Variants in MYBBP1A observed in about 807,000 individuals in gnomAD.
MYBBP1A encodes myb-binding protein 1A.
MYBBP1A carries 147 observed loss-of-function variants against 136.3 expected under a neutral mutation model. The observed-to-expected ratio is 1.08, with a 90% CI of 0.94 to 1.24. The LOEUF (loss-of-function observed/expected upper bound fraction) is 1.24. MYBBP1A is among the 50% of genes most tolerant of loss of function. The pLI is 0.00. For missense variants in MYBBP1A, 2,060 were observed against 1,727.4 expected, an observed-to-expected ratio of 1.19 and a Z score of -3.41; for synonymous variants, 947 against 735.8, an observed-to-expected ratio of 1.29 and a Z score of -4.65.
Position 4,552,724 on chromosome 17 carries a change from A to G in MYBBP1A, c.562-98T>C, listed in dbSNP as rs1163155894. 17 of 1,059,484 alleles carry G rather than the reference A, an allele frequency of 1.6e-5. No homozygotes were observed. Among genetic ancestry groups the G allele is most frequent in the Non-Finnish European group, 2.3e-5 (17 of 743,270 alleles). 65.6% of individuals were successfully genotyped at this position (1,059,484 alleles called of 1,614,324 possible). A position where few individuals can be genotyped will look rare whatever the true frequency, so the allele number is the denominator to read the frequency against. On this transcript the variant is annotated intron_variant, in intron 5 of 25. Coordinates refer to ENST00000254718, the MANE Select transcript of MYBBP1A (RefSeq NM_014520.4). The surrounding 1 kb of genome is among the most constrained non-coding windows in gnomAD (Gnocchi z 4.7). ...CTGACACGGGGCCACCTGGTGAGGT[A>G]TCAGAGTCATCAGAGGCCAGTTGCT...
rs368007403 is a variant in MYBBP1A at position 4,545,321 on chromosome 17, C to A, written c.2098G>T (p.Asp700Tyr). The A allele has an allele frequency of 2.0e-5, 33 of 1,613,302 alleles. No homozygotes were observed. The highest frequency in any genetic ancestry group is 2.7e-5 in the Non-Finnish European group (32 of 1,179,966). ...GTCACCACCACACGGTCATTCTCAT[C>A]CTCACTGGTCTCGGGGTTCAGCACC... ...LDVLNPETSE[D>Y]ENDRVVVTDD... The change falls in exon 16 of 26, where the codon GAT (aspartate) becomes TAT (tyrosine). Residue 700 changes from aspartate to tyrosine, a missense_variant. By Grantham distance (160) the Asp-to-Tyr change is radical (BLOSUM62 -3). Coordinates refer to ENST00000254718, the MANE Select transcript of MYBBP1A (RefSeq NM_014520.4).
At chr17:4,542,170 G>A (rs1906494687) in intron 22 of MYBBP1A, 1 of 585,052 alleles carries the variant, frequency 1.7e-6, no homozygotes, top group South Asian at 2.2e-5. Context: ...AACAGCCCTG[G>A]CACCAGAGCA....
At position 4,550,345 on chromosome 17, in the gene MYBBP1A, C is replaced by CT; in HGVS notation, c.1031dup (p.Gln345AlafsTer22). On this transcript the variant is annotated frameshift_variant, in exon 9 of 26. Transcript: ENST00000254718. LOFTEE classifies it high-confidence loss of function. ...CCATCTCTGGGGCAAACTTGAACTG[C>CT]TTTGGGAGCTGCAAGAGTTAGGCAT... The CT allele has an allele frequency of 6.2e-7, 1 of 1,610,706 alleles. No homozygotes were observed. Among genetic ancestry groups the CT allele is most frequent in the Non-Finnish European group, 8.5e-7 (1 of 1,178,540 alleles).
chr17:4,540,516 C>T (rs991619299), intron 24 of MYBBP1A, 32 bp from the exon 25 acceptor site: 12 of 1,578,206 alleles, frequency 7.6e-6, no homozygotes, highest in African/African-American at 1.3e-5. Flanking sequence ...AGCTGTGGGG[C>T]CACAGAGGGC....
chr17:4,550,939 T>C (rs1015153840), intron 8 of MYBBP1A, among the ~76,000 whole-genome samples: 3 of 152,216 alleles, frequency 2.0e-5, no homozygotes, highest in Admixed American at 6.5e-5. Flanking sequence ...CACCTAGAGG[T>C]AACTTCTCAG....
intron 8 of MYBBP1A, among the ~76,000 whole-genome samples, chr17:4,550,749 G>C (rs1256540188): frequency 6.6e-6 from 1 of 152,252 alleles, no homozygotes; most frequent in Non-Finnish European, 1.5e-5. Flanking sequence ...TGGGTTCAAA[G>C]CCCACGCTGC....
intron 13 of MYBBP1A, among the ~76,000 whole-genome samples, chr17:4,547,266 T>A (rs1219556179): frequency 6.6e-6 from 1 of 152,052 alleles, no homozygotes; most frequent in Non-Finnish European, 1.5e-5. Context: ...TCTGTCCAAG[T>A]CAAGTTCGGA....
In MYBBP1A at chr17:4,548,552, G is replaced by GAGA. The variant is rs1907211617; in HGVS notation, c.1527_1528insTCT (p.Ala509_Arg510insSer). On this transcript the variant is annotated inframe_insertion, in exon 11 of 26. Coordinates refer to ENST00000254718, the MANE Select transcript of MYBBP1A (RefSeq NM_014520.4). This position sits in a 1 kb window ranked among gnomAD's most constrained non-coding sequence, Gnocchi z 4.2. ...AAGAAGGCACTGCTGACAGCCTCTC[G>GAGA]GGCCTGGTTTTCCAAAGGGAAGGAG... 1.9e-6 allele frequency: 3 copies of GAGA among 1,614,076 alleles called. No homozygotes were observed. The highest frequency in any genetic ancestry group is 2.5e-6 in the Non-Finnish European group (3 of 1,180,042).
At chr17:4,541,240 CAGG>C (rs1241637588) in intron 24 of MYBBP1A, among the ~76,000 whole-genome samples, 3 of 152,384 alleles carry the variant, frequency 2.0e-5, no homozygotes, top group South Asian at 2.1e-4. Flanking sequence ...CCCCGCCCTG[CAGG>C]AGGAGGACAG....
At chr17:4,550,452 CCAACAGCCCGGGGGCAGGCGGG>C (rs1408188204) in intron 8 of MYBBP1A, 99 bp from the exon 9 acceptor site, 90 of 1,406,292 alleles carry the variant, frequency 6.4e-5, no homozygotes, top group Middle Eastern at 2.6e-4. Flanking sequence ...GCCCAACAGC[CCAACAGCCCGGGGGCAGGCGGG>C]CAACAGCCCA....
In MYBBP1A at chr17:4,539,687, T is replaced by TG. The variant is rs751008440; in HGVS notation, c.3714dup (p.Thr1239HisfsTer106). On this transcript the variant is annotated frameshift_variant, in exon 26 of 26. Transcript: ENST00000254718. LOFTEE classifies it low-confidence loss of function (END_TRUNC). ...TTGGCAGGGGTGCTGGGGCTCCGGG[T>TG]GGGGGCGCCAGGGGCTGGACTCTTG... 5 of 1,606,942 alleles carry TG rather than the reference T, an allele frequency of 3.1e-6. No individual in the cohort carries two copies. In the South Asian group the frequency reaches 4.4e-5, roughly 14 times the overall value.
Position 4,548,972 on chromosome 17 carries a change from T to C in MYBBP1A, c.1431-323A>G, listed in dbSNP as rs1445334844. ...AGTCAGGTCACTGCTCCTGCGAACA[T>C]GGGACAGCCCCCTCTTGCAACCGTG... is the stretch of plus-strand genomic sequence containing the variant. On this transcript the variant is annotated intron_variant, in intron 10 of 25. Coordinates refer to ENST00000254718, the MANE Select transcript of MYBBP1A (RefSeq NM_014520.4). The surrounding 1 kb of genome is among the most constrained non-coding windows in gnomAD (Gnocchi z 4.2). Among the ~76,000 whole-genome samples the C allele has an allele frequency of 6.6e-6, 1 of 152,230 alleles. No homozygotes were observed. The highest frequency in any genetic ancestry group is 1.5e-5 in the Non-Finnish European group (1 of 68,028).
chr17:4,544,190 G>C lies in MYBBP1A; in HGVS notation c.2639+299C>G, dbSNP rs1399102518. ...ACTTGAGACTGTCAAGGGCAGGGAT[G>C]GACCCCAGCTCCAGGGCACTGTTGG... On this transcript the variant is annotated intron_variant, in intron 19 of 25. Coordinates refer to ENST00000254718, the MANE Select transcript of MYBBP1A (RefSeq NM_014520.4). 2.6e-5 allele frequency among the ~76,000 whole-genome samples: 4 copies of C among 151,462 alleles called. No individual in the cohort carries two copies. In the South Asian group the frequency reaches 8.3e-4, roughly 31 times the overall value.
chr17:4,549,509 G>A, intron 9 of MYBBP1A, 67 bp from the exon 10 acceptor site: 2 of 1,406,610 alleles, frequency 1.4e-6, no homozygotes, highest in Non-Finnish European at 2.0e-6. Context: ...GGGCCCAGTG[G>A]CTCACACCTG....
In MYBBP1A at chr17:4,545,134, A is replaced by T. The variant is rs1487821505; in HGVS notation, c.2202T>A (p.Ser734Arg). ...EEGEDNRSSE[S>R]EEESEGEESE... ...TCTCCTCCCCCTCGCTCTCCTCTTC[A>T]CTCTCTGAGCTTCTGTTGTCCTCAC... The change falls in exon 17 of 26, where the codon AGT (serine) becomes AGA (arginine). Residue 734 changes from serine to arginine, a missense_variant. Transcript: ENST00000254718. 1.2e-6 allele frequency: 2 copies of T among 1,609,066 alleles called. No individual in the cohort carries two copies. Among genetic ancestry groups the T allele is most frequent in the Admixed American group, 1.7e-5 (1 of 59,574 alleles).
Position 4,552,159 on chromosome 17 carries a change from G to T in MYBBP1A, c.871C>A (p.Gln291Lys). The T allele has an allele frequency of 6.2e-7, 1 of 1,614,248 alleles. No individual in the cohort carries two copies. The highest frequency in any genetic ancestry group is 8.5e-7 in the Non-Finnish European group (1 of 1,180,038). Residue 291 changes from glutamine to lysine, a missense_variant, in exon 7 of 26, where the codon CAA becomes AAA. Transcript: ENST00000254718. This position sits in a 1 kb window ranked among gnomAD's most constrained non-coding sequence, Gnocchi z 4.7. ...FPRFWKEVVE[Q>K]GLLKMQFWPA... ...CAGAACTGCATCTTCAGCAGCCCTTGTTCCACCACCTCCTTCCAGAACCGT... is the reference window on the plus strand; with the variant it reads ...CAGAACTGCATCTTCAGCAGCCCTTTTTCCACCACCTCCTTCCAGAACCGT...
chr17:4,553,064 T>C (rs1256023777), intron 5 of MYBBP1A, among the ~76,000 whole-genome samples: 1 of 152,156 alleles, frequency 6.6e-6, no homozygotes, highest in African/African-American at 2.4e-5. Context: ...TCAAGTGATC[T>C]GCCCACCTCG....
In MYBBP1A at chr17:4,538,961, T is replaced by C. The variant is rs771205731; in HGVS notation, c.*454A>G. 2.5e-6 allele frequency: 2 copies of C among 787,478 alleles called. No individual in the cohort carries two copies. Among genetic ancestry groups the C allele is most frequent in the Non-Finnish European group, 4.7e-6 (2 of 423,956 alleles). The allele number at this position is 787,478 out of a possible 1,614,324, so 48.8% of individuals were successfully genotyped here. A position where few individuals can be genotyped will look rare whatever the true frequency, so the allele number is the denominator to read the frequency against. On this transcript the variant is annotated 3_prime_UTR_variant, in exon 26 of 26. Coordinates refer to ENST00000254718, the MANE Select transcript of MYBBP1A (RefSeq NM_014520.4). ...TCCTTTATTTTTTAGAGCTGCTGAT[T>C]GTGAATCTCAGAGTCTTAAGAGAGA...
At chr17:4,549,725 A>C (rs1007587291) in intron 9 of MYBBP1A, among the ~76,000 whole-genome samples, 3 of 149,228 alleles carry the variant, frequency 2.0e-5, no homozygotes, top group Non-Finnish European at 4.4e-5. Flanking sequence ...CAGAAGTTGC[A>C]ATGAGCTGAG....
Sources: gnomAD v4.1 joint callset for allele counts (sites outside exome capture counted in the v4.1 genomes callset) on GRCh38, gnomAD v4.1.1 for gene constraint, Gnocchi (gnomAD v3.1) non-coding constraint, MANE v1.5 for transcripts, NCBI Gene and HGNC (gene_info 2026-07-23, HGNC 2026-07-21) for gene names.